PTPRG: variants seen among roughly 807,000 people sequenced by gnomAD.
PTPRG encodes receptor-type tyrosine-protein phosphatase gamma.
PTPRG carries 102 observed loss-of-function variants against 165.3 expected under a neutral mutation model. That is an observed-to-expected ratio of 0.62 (90% CI 0.53 to 0.73). PTPRG has a LOEUF of 0.73. PTPRG is among the 30% of genes least tolerant of loss of function. The probability of loss-of-function intolerance (pLI) is 0.00; values close to 1 mark genes in which losing one functional copy is unlikely to be tolerated. For synonymous variants in PTPRG, 675 were observed against 669.5 expected (o/e 1.01, Z -0.13); for missense variants, 1,866 against 1,861.4 (o/e 1.00, Z -0.05).
intron 2 of PTPRG, among the ~76,000 whole-genome samples, chr3:61,964,958 C>T (rs1350812726): frequency 2.0e-5 from 3 of 151,932 alleles, no homozygotes; most frequent in African/African-American, 4.8e-5. Context: ...GTAAAGAATC[C>T]GGGGCCGGGT....
intron 4 of PTPRG, among the ~76,000 whole-genome samples, chr3:62,003,919 T>G (rs909215202): frequency 3.3e-5 from 5 of 152,024 alleles, no homozygotes; most frequent in Non-Finnish European, 5.9e-5. Context: ...AAGTTTTAAG[T>G]TTTTTTTGCT....
intron 14 of PTPRG, among the ~76,000 whole-genome samples, chr3:62,235,236 T>C (rs1056748765): frequency 6.6e-6 from 1 of 152,304 alleles, no homozygotes; most frequent in African/African-American, 2.4e-5. Flanking sequence ...ATTGTGTCAG[T>C]GCCTTAAAAC....
intron 1 of PTPRG, among the ~76,000 whole-genome samples, chr3:61,698,658 G>A (rs2030751051): frequency 6.6e-6 from 1 of 152,122 alleles, no homozygotes; most frequent in Non-Finnish European, 1.5e-5. Flanking sequence ...GGACCTGAAA[G>A]AGGTTTTGTT....
At chr3:62,092,411 A>C (rs376249587) in intron 5 of PTPRG, among the ~76,000 whole-genome samples, 2 of 143,672 alleles carry the variant, frequency 1.4e-5, no homozygotes, top group Admixed American at 1.4e-4. Context: ...CTGCACTCCA[A>C]CCTGGGCAAC....
At chr3:61,592,839 G>A (rs573298956) in intron 1 of PTPRG, among the ~76,000 whole-genome samples, 2 of 152,098 alleles carry the variant, frequency 1.3e-5, no homozygotes, top group South Asian at 4.1e-4. Flanking sequence ...TCCCATAAAA[G>A]CCGTGGGGCT....
chr3:61,732,968 A>T (rs905618352), intron 1 of PTPRG, among the ~76,000 whole-genome samples: 4 of 152,164 alleles, frequency 2.6e-5, no homozygotes, highest in Non-Finnish European at 5.9e-5. Flanking sequence ...TCTCTTTACA[A>T]GCCTTGTAAT....
At chr3:62,035,236 A>G (rs1452150085) in intron 4 of PTPRG, among the ~76,000 whole-genome samples, 1 of 152,222 alleles carries the variant, frequency 6.6e-6, no homozygotes, top group African/African-American at 2.4e-5. Context: ...AAGTAACATG[A>G]ATTCATGGTC....
At chr3:62,028,459 G>A (rs955380160) in intron 4 of PTPRG, among the ~76,000 whole-genome samples, 85 of 152,290 alleles carry the variant, frequency 5.6e-4, no homozygotes, top group Non-Finnish European at 1.2e-3. Flanking sequence ...TCAGTCAGAA[G>A]AAAATTGTTT....
intron 1 of PTPRG, chr3:61,743,108 G>A (rs1336712288): frequency 2.0e-5 from 28 of 1,435,028 alleles, no homozygotes; most frequent in Non-Finnish European, 2.5e-5. Flanking sequence ...GCTGCTCATG[G>A]CTTCTCACGC....
At chr3:61,906,414 C>T (rs2038655269) in intron 2 of PTPRG, among the ~76,000 whole-genome samples, 1 of 151,586 alleles carries the variant, frequency 6.6e-6, no homozygotes, top group South Asian at 2.1e-4. Context: ...CGAGATCATG[C>T]CATTGCATTC....
At chr3:62,180,527 C>G (rs1306455874) in intron 8 of PTPRG, among the ~76,000 whole-genome samples, 11 of 152,114 alleles carry the variant, frequency 7.2e-5, no homozygotes, top group Non-Finnish European at 1.2e-4. Flanking sequence ...ATGCTGTGCT[C>G]AATTAAAGTG....
At chr3:61,943,787 A>G (rs144797118) in intron 2 of PTPRG, among the ~76,000 whole-genome samples, 58 of 152,250 alleles carry the variant, frequency 3.8e-4, no homozygotes, top group African/African-American at 1.4e-3. Context: ...TTGAAAAAGC[A>G]TGAATGAAAT....
intron 1 of PTPRG, among the ~76,000 whole-genome samples, chr3:61,655,233 G>A (rs531680672): frequency 6.6e-5 from 10 of 152,124 alleles, no homozygotes; most frequent in Non-Finnish European, 1.3e-4. Context: ...CTCAATGACA[G>A]GAAATAGGTA....
At chr3:61,887,671 T>C (rs2038089469) in intron 2 of PTPRG, among the ~76,000 whole-genome samples, 1 of 151,612 alleles carries the variant, frequency 6.6e-6, no homozygotes, top group African/African-American at 2.4e-5. Flanking sequence ...GCAAATTCTA[T>C]GCCATATATT....
At chr3:61,835,295 C>T (rs1256408510) in intron 2 of PTPRG, among the ~76,000 whole-genome samples, 1 of 152,142 alleles carries the variant, frequency 6.6e-6, no homozygotes, top group Non-Finnish European at 1.5e-5. Flanking sequence ...CTGTTACTTT[C>T]TCCTGCTCCA....
chr3:62,276,929 A>G (rs1576212372), intron 24 of PTPRG, 43 bp from the exon 25 acceptor site: 2 of 1,502,100 alleles, frequency 1.3e-6, no homozygotes, highest in Non-Finnish European at 1.9e-6. Flanking sequence ...TTCTGTGTGT[A>G]TAATAAGGCA....
intron 1 of PTPRG, among the ~76,000 whole-genome samples, chr3:61,595,169 C>T (rs147017824): frequency 6.6e-6 from 1 of 151,712 alleles, no homozygotes; most frequent in Non-Finnish European, 1.5e-5. Flanking sequence ...TGGACGAAAC[C>T]GAACAAGATG....
chr3:62,021,651 T>G (rs542498056), intron 4 of PTPRG, among the ~76,000 whole-genome samples: 1 of 152,292 alleles, frequency 6.6e-6, no homozygotes, highest in Non-Finnish European at 1.5e-5. Context: ...TACCTTTACC[T>G]TCGTGAATTG....
At chr3:61,772,481 C>T (rs1004512080) in intron 2 of PTPRG, among the ~76,000 whole-genome samples, 3 of 151,974 alleles carry the variant, frequency 2.0e-5, no homozygotes, top group African/African-American at 7.2e-5. Flanking sequence ...TATAGCTGAT[C>T]AATCAGTGGA....
Sources: gnomAD v4.1 joint callset for allele counts (sites outside exome capture counted in the v4.1 genomes callset) on GRCh38, gnomAD v4.1.1 for gene constraint, MANE v1.5 for transcripts, NCBI Gene and HGNC (gene_info 2026-07-23, HGNC 2026-07-21) for gene names.